The following HSDL2 variants were observed in gnomAD, a reference collection of about 807,000 sequenced individuals.
The protein encoded by HSDL2 is hydroxysteroid dehydrogenase-like protein 2.
HSDL2 carries 27 observed loss-of-function variants against 46.3 expected under a neutral mutation model. That is an observed-to-expected ratio of 0.58 (90% CI 0.43 to 0.80). The LOEUF (loss-of-function observed/expected upper bound fraction) is 0.80. HSDL2 is among the 30% of genes least tolerant of loss of function. HSDL2 has a pLI of 0.00. For synonymous variants in HSDL2, 153 were observed against 163.6 expected (o/e 0.94, Z 0.50); for missense variants, 451 against 502.7 (o/e 0.90, Z 0.98).
intron 1 of HSDL2, among the ~76,000 whole-genome samples, chr9:112,402,064 A>C (rs546352190): frequency 6.6e-6 from 1 of 152,268 alleles, no homozygotes; most frequent in African/African-American, 2.4e-5. Context: ...CTGTTAATCT[A>C]TCACCAATCT....
chr9:112,411,174 C>T (rs1156453552), intron 4 of HSDL2, among the ~76,000 whole-genome samples: 2 of 152,094 alleles, frequency 1.3e-5, no homozygotes, highest in Admixed American at 1.3e-4. Context: ...TGTTGTTTTT[C>T]TTATATGAAA....
chr9:112,391,409 T>A (rs1367459830), intron 1 of HSDL2, among the ~76,000 whole-genome samples: 1 of 151,900 alleles, frequency 6.6e-6, no homozygotes, highest in Admixed American at 6.6e-5. Flanking sequence ...AATAGGAGGT[T>A]ATACTGAGTT....
chr9:112,450,252 A>AG (rs1483253436), intron 8 of HSDL2, among the ~76,000 whole-genome samples: 1 of 13,556 alleles, frequency 7.4e-5, no homozygotes, highest in African/African-American at 7.4e-4. Context: ...CAACATAGCG[A>AG]GACCCCCCCC....
chr9:112,387,810 C>T (rs1831249589), intron 1 of HSDL2, among the ~76,000 whole-genome samples: 1 of 152,198 alleles, frequency 6.6e-6, no homozygotes, highest in South Asian at 2.1e-4. Context: ...ATCACATGTT[C>T]TGGTTGGAAA....
chr9:112,469,337 C>T (rs1833494638), intron 10 of HSDL2, among the ~76,000 whole-genome samples: 1 of 152,050 alleles, frequency 6.6e-6, no homozygotes, highest in South Asian at 2.1e-4. Context: ...ATAAACCAAA[C>T]ACATATTGTG....
intron 6 of HSDL2, among the ~76,000 whole-genome samples, chr9:112,428,889 T>C (rs1223042690): frequency 6.6e-6 from 1 of 152,152 alleles, no homozygotes; most frequent in Admixed American, 6.6e-5. Context: ...ACCTCCCTTA[T>C]GTTACTTGTC....
At chr9:112,455,320 C>T (rs111555101) in intron 9 of HSDL2, among the ~76,000 whole-genome samples, 6 of 666 alleles carry the variant, frequency 9.0e-3, no homozygotes, top group Non-Finnish European at 3.0e-3. Context: ...ATACACAAAC[C>T]TTTTTTATTC....
intron 8 of HSDL2, among the ~76,000 whole-genome samples, chr9:112,444,328 C>A (rs962340973): frequency 1.3e-5 from 2 of 152,158 alleles, no homozygotes; most frequent in African/African-American, 4.8e-5. Context: ...CCCCTGTTAC[C>A]ATTTCATTAT....
At chr9:112,397,983 C>T (rs548294434) in intron 1 of HSDL2, among the ~76,000 whole-genome samples, 8 of 152,060 alleles carry the variant, frequency 5.3e-5, no homozygotes, top group East Asian at 3.9e-4. Flanking sequence ...TTTTTTCTGG[C>T]GTAATAAGTG....
intron 4 of HSDL2, among the ~76,000 whole-genome samples, chr9:112,411,607 G>A (rs10733589): frequency 0.46 from 69,381 of 151,986 alleles, 15,990 homozygotes; most frequent in South Asian, 0.51. Context: ...CCCAGGAGGC[G>A]GAGGCTGCAG....
Position 112,441,701 on chromosome 9 carries a change from C to G in HSDL2, c.796C>G (p.His266Asp). 1 of 1,611,436 alleles carries G rather than the reference C, an allele frequency of 6.2e-7. No homozygotes were observed. Among genetic ancestry groups the G allele is most frequent in the Non-Finnish European group, 8.5e-7 (1 of 1,177,892 alleles). Residue 266 changes from histidine to aspartate, a missense_variant and splice_region_variant, in exon 8 of 11, where the codon CAT (histidine) becomes GAT (aspartate). By Grantham distance (81) the His-to-Asp change is moderately conservative. Transcript: ENST00000398805. The part of the protein sequence containing the change: ...NFDVYAIKPG[H>D]PLQPDFFLDE... ...ATGGTTTGGGGTCAATTTTTCAGGT[C>G]ATCCTTTGCAACCAGATTTCTTCTT...
In HSDL2 at chr9:112,405,692, G is replaced by T. The variant is rs375726485; in HGVS notation, c.250G>T (p.Ala84Ser). 1 of 1,612,086 alleles carries T rather than the reference G, an allele frequency of 6.2e-7. No homozygotes were observed. The highest frequency in any genetic ancestry group is 8.5e-7 in the Non-Finnish European group (1 of 1,178,954). ...GAGAGATGAACAGCAGATCAGTGCT[G>T]CAGTGGAGAAAGCCATCAAGAAATT... is the stretch of plus-strand genomic sequence containing the variant. ...DVRDEQQISA[A>S]VEKAIKKFGG... Residue 84 changes from alanine to serine, a missense_variant, in exon 3 of 11, where the codon GCA (alanine) becomes TCA (serine). Physicochemically the swap from Ala to Ser is moderately conservative, Grantham distance 99. Transcript: ENST00000398805.
intron 1 of HSDL2, among the ~76,000 whole-genome samples, chr9:112,393,535 C>T (rs932391241): frequency 7.2e-5 from 11 of 152,228 alleles, no homozygotes; most frequent in Non-Finnish European, 1.3e-4. Flanking sequence ...GCTTGCCAAT[C>T]ATTAACAAAA....
Position 112,416,903 on chromosome 9 carries a change from C to A in HSDL2, c.458C>A (p.Pro153Gln). Reference sequence around the variant, plus strand: ...GTTGCTCATATCCTCAATATCAGTCCACCACTGAACCTAAATCCAGTTTGG... The same window carrying A: ...GTTGCTCATATCCTCAATATCAGTCAACCACTGAACCTAAATCCAGTTTGG... The part of the protein sequence containing the change: ...SKVAHILNIS[P>Q]PLNLNPVWFK... The change falls in exon 5 of 11, where the codon CCA (proline) becomes CAA (glutamine). Residue 153 changes from proline to glutamine, a missense_variant. Pro to Gln is a moderately conservative substitution (Grantham distance 76). Coordinates refer to ENST00000398805, the MANE Select transcript of HSDL2 (RefSeq NM_032303.5). The A allele has an allele frequency of 6.2e-7, 1 of 1,604,618 alleles. No individual in the cohort carries two copies. The highest frequency in any genetic ancestry group is 8.5e-7 in the Non-Finnish European group (1 of 1,171,724).
Position 112,404,099 on chromosome 9 carries a change from C to T in HSDL2, c.122C>T (p.Ala41Val), listed in dbSNP as rs766754352. Residue 41 changes from alanine (A) to valine (V), a missense_variant, in exon 2 of 11, where the codon GCA (alanine) becomes GTA (valine). Physicochemically the swap from Ala to Val is moderately conservative, Grantham distance 64. Coordinates refer to ENST00000398805, the MANE Select transcript of HSDL2 (RefSeq NM_032303.5). ...GATGGAGCAAATATTGTTATTGCTG[C>T]AAAGACCGCCCAGCCACATCCAAAA... ...AKDGANIVIA[A>V]KTAQPHPKLL... 8 of 1,614,138 alleles carry T rather than the reference C, an allele frequency of 5.0e-6. No individual in the cohort carries two copies. Among genetic ancestry groups the T allele is most frequent in the Admixed American group, 3.3e-5 (2 of 60,016 alleles).
chr9:112,416,818 C>A lies in HSDL2; in HGVS notation c.396-23C>A, dbSNP rs375929363. The A allele has an allele frequency of 6.1e-6, 7 of 1,149,148 alleles. No homozygotes were observed. In the African/African-American group the frequency reaches 9.3e-5, roughly 15 times the overall value. The allele number at this position is 1,149,148 out of a possible 1,614,324, so 71.2% of individuals were successfully genotyped here. ...ATTGTTAGAAAGCTATTAAATTTGG[C>A]TTGTATTTTCTTTTGCTTTCAGATC... is the stretch of plus-strand genomic sequence containing the variant. On this transcript the variant is annotated intron_variant, in intron 4 of 10. Coordinates refer to ENST00000398805, the MANE Select transcript of HSDL2 (RefSeq NM_032303.5).
rs75846142 is a variant in HSDL2, at chr9:112,397,522, T to G, written c.18-6473T>G. ...GTAGTAAAAGAAACAGGAGCTTGAC[T>G]TGGGGCACGTAATTTATCCCAAGTT... On this transcript the variant is annotated intron_variant, in intron 1 of 10. Transcript: ENST00000398805. Among the ~76,000 whole-genome samples, 1,394 of 152,348 alleles carry G rather than the reference T, an allele frequency of 9.2e-3. 26 individuals are homozygous for G. The highest frequency in any genetic ancestry group is 0.031 in the African/African-American group (1,306 of 41,584).
intron 7 of HSDL2, among the ~76,000 whole-genome samples, chr9:112,439,307 A>AT (rs913360869): frequency 2.6e-5 from 4 of 152,136 alleles, no homozygotes; most frequent in African/African-American, 9.7e-5. Flanking sequence ...ACAGTAATGA[A>AT]TTTTTTTGTT....
At chr9:112,391,497 AAG>A (rs1226542327) in intron 1 of HSDL2, among the ~76,000 whole-genome samples, 1 of 152,186 alleles carries the variant, frequency 6.6e-6, no homozygotes, top group East Asian at 1.9e-4. Context: ...TGCTAATCAA[AAG>A]ACACTATAAA....
Sources: gnomAD v4.1 joint callset for allele counts (sites outside exome capture counted in the v4.1 genomes callset) on GRCh38, gnomAD v4.1.1 for gene constraint, MANE v1.5 for transcripts, NCBI Gene and HGNC (gene_info 2026-07-23, HGNC 2026-07-21) for gene names.